Variants in GAB2 observed in about 807,000 individuals in gnomAD.
GAB2 encodes the protein GRB2-associated-binding protein 2.
A neutral mutation model predicts 65.5 loss-of-function variants in GAB2; 26 were observed. The observed-to-expected ratio is 0.40, with a 90% CI of 0.29 to 0.55. The LOEUF (loss-of-function observed/expected upper bound fraction) is 0.55. Ranked by LOEUF, GAB2 falls within the 20% of genes least tolerant of loss-of-function variation. The pLI, the probability that GAB2 is intolerant of heterozygous loss-of-function variation, is 0.53. For synonymous variants in GAB2, 321 were observed against 329.6 expected (o/e 0.97, Z 0.28); for missense variants, 884 against 875.8 (o/e 1.01, Z -0.12).
chr11:78,246,798 C>A (rs1171168523), intron 3 of GAB2, among the ~76,000 whole-genome samples: 1 of 152,118 alleles, frequency 6.6e-6, no homozygotes, highest in Non-Finnish European at 1.5e-5. Context: ...CGCACCCGGC[C>A]GAGAAGTGAT....
chr11:78,222,559 A>G (rs920027099), intron 6 of GAB2, among the ~76,000 whole-genome samples: 2 of 148,464 alleles, frequency 1.3e-5, no homozygotes, highest in African/African-American at 4.9e-5. Context: ...ATTTATAAAA[A>G]TATATACTAT....
intron 1 of GAB2, among the ~76,000 whole-genome samples, chr11:78,347,199 C>T (rs1232320927): frequency 1.3e-5 from 2 of 152,132 alleles, no homozygotes; most frequent in East Asian, 1.9e-4. Context: ...TTTTGAGATA[C>T]AGACCTAAGC....
At position 78,216,086 on chromosome 11, in the gene GAB2, G is replaced by A. The variant is rs1419655770; in HGVS notation, c.*3186C>T. 1 of 152,714 alleles carries A rather than the reference G, an allele frequency of 6.5e-6. No homozygotes were observed. Among genetic ancestry groups the A allele is most frequent in the African/African-American group, 2.4e-5 (1 of 41,464 alleles). The allele number at this position is 152,714 out of a possible 1,614,324, so 9.5% of individuals were successfully genotyped here. ...CCAGAAAGAAGTTACAGAGGAGGGA[G>A]TCTCCCCTTCAAGCAGCTGAGCACC... is the stretch of plus-strand genomic sequence containing the variant. On this transcript the variant is annotated 3_prime_UTR_variant, in exon 10 of 10. Coordinates refer to ENST00000361507, the MANE Select transcript of GAB2 (RefSeq NM_080491.3).
intron 3 of GAB2, among the ~76,000 whole-genome samples, chr11:78,231,377 C>T (rs1401114940): frequency 9.2e-6 from 1 of 109,022 alleles, no homozygotes; most frequent in East Asian, 3.0e-4. Context: ...GTGTCGGAGT[C>T]TCATTCTGTC....
At chr11:78,328,533 C>T (rs976152118) in intron 1 of GAB2, among the ~76,000 whole-genome samples, 2 of 151,934 alleles carry the variant, frequency 1.3e-5, no homozygotes, top group Admixed American at 6.6e-5. Flanking sequence ...GGCATCCATC[C>T]GAAGGAGAAT....
intron 2 of GAB2, among the ~76,000 whole-genome samples, chr11:78,260,214 ACT>A (rs957869621): frequency 2.4e-4 from 37 of 152,222 alleles, no homozygotes; most frequent in African/African-American, 8.4e-4. Context: ...CCAAGGGAAG[ACT>A]CTGAGAAAGA....
intron 1 of GAB2, among the ~76,000 whole-genome samples, chr11:78,320,608 A>G (rs769405060): frequency 2.0e-4 from 31 of 151,752 alleles, no homozygotes; most frequent in Non-Finnish European, 3.7e-4. Flanking sequence ...TTCTTTTTTG[A>G]GACAAGGTCT....
intron 3 of GAB2, among the ~76,000 whole-genome samples, chr11:78,228,021 G>A (rs189115402): frequency 8.7e-4 from 132 of 152,266 alleles, no homozygotes; most frequent in Admixed American, 8.2e-3. Flanking sequence ...TGGGCAATAA[G>A]GCAAGCAGTA....
chr11:78,291,815 C>T (rs1002738841), intron 1 of GAB2, among the ~76,000 whole-genome samples: 1 of 151,790 alleles, frequency 6.6e-6, no homozygotes, highest in African/African-American at 2.4e-5. Context: ...ATTCTCCCAC[C>T]TCAGCATCCC....
intron 2 of GAB2, among the ~76,000 whole-genome samples, chr11:78,280,187 T>C (rs1866293517): frequency 1.3e-5 from 2 of 152,194 alleles, no homozygotes; most frequent in South Asian, 4.1e-4. Flanking sequence ...AGTGTGACTG[T>C]GCAGGATGGC....
In GAB2 at chr11:78,226,609, G is replaced by C. The variant is rs61758968; in HGVS notation, c.1063C>G (p.Pro355Ala). 6.2e-7 allele frequency: 1 copy of C among 1,612,070 alleles called. No individual in the cohort carries two copies. Among genetic ancestry groups the C allele is most frequent in the Non-Finnish European group, 8.5e-7 (1 of 1,178,296 alleles). Residue 355 changes from proline (P) to alanine (A), a missense_variant, in exon 4 of 10, where the codon CCC becomes GCC. Coordinates refer to ENST00000361507, the MANE Select transcript of GAB2 (RefSeq NM_080491.3). ...GDSAIAPPPR[P>A]PKPSQAETPR... ...GTTTCTGCCTGACTTGGCTTGGGGG[G>C]GCGGGGTGGGGGAGCTATGGCTGAG...
chr11:78,259,129 G>T (rs987565274), intron 2 of GAB2, among the ~76,000 whole-genome samples: 10 of 152,170 alleles, frequency 6.6e-5, no homozygotes, highest in Admixed American at 6.5e-4. Flanking sequence ...GTGGTATTTG[G>T]TCTGGAACTA....
intron 1 of GAB2, among the ~76,000 whole-genome samples, chr11:78,337,410 A>T (rs1475685737): frequency 6.6e-6 from 1 of 152,186 alleles, no homozygotes; most frequent in African/African-American, 2.4e-5. Flanking sequence ...CCTATTAGGA[A>T]GTAAGGCAGA....
chr11:78,219,209 A>T lies in GAB2; in HGVS notation c.*63T>A. The T allele has an allele frequency of 6.7e-7, 1 of 1,487,710 alleles. No homozygotes were observed. Among genetic ancestry groups the T allele is most frequent in the Non-Finnish European group, 9.3e-7 (1 of 1,076,138 alleles). 92.2% of individuals were successfully genotyped at this position (1,487,710 alleles called of 1,614,324 possible). ...TGGGAGGAAGAACGGGAGAGGGGAG[A>T]GGGGAGATGGGAAGGGCCAGCTCTG... On this transcript the variant is annotated 3_prime_UTR_variant, in exon 10 of 10. Transcript: ENST00000361507.
intron 1 of GAB2, among the ~76,000 whole-genome samples, chr11:78,410,556 G>T (rs532002522): frequency 1.3e-5 from 2 of 152,060 alleles, no homozygotes; most frequent in East Asian, 1.9e-4. Flanking sequence ...AAGAATAAGG[G>T]TTAAAAAAAT....
chr11:78,363,990 T>C (rs918051239), intron 1 of GAB2: 1 of 152,136 alleles, frequency 6.6e-6, no homozygotes, highest in Non-Finnish European at 1.5e-5. Flanking sequence ...TTCTCACCCA[T>C]TTAACATATA....
At chr11:78,302,072 G>A (rs1411923045) in intron 1 of GAB2, among the ~76,000 whole-genome samples, 2 of 152,040 alleles carry the variant, frequency 1.3e-5, no homozygotes, top group African/African-American at 2.4e-5. Flanking sequence ...TCTAAGACCT[G>A]AAACTATAAA....
rs1864675082 is a variant in GAB2 at position 78,226,769 on chromosome 11, G to A, written c.903C>T (p.Thr301=). The A allele has an allele frequency of 6.2e-7, 1 of 1,613,972 alleles. No individual in the cohort carries two copies. Among genetic ancestry groups the A allele is most frequent in the African/African-American group, 1.3e-5 (1 of 74,896 alleles). ...GGAGGTCCCCGAACTCCCTGCACAG[G>A]GTGTTGCTGGGCGTCTTGAAGGTGT... ...DVYTFKTPSN[T]LCREFGDLLV... Residue 301 remains threonine (T), a synonymous_variant, in exon 4 of 10, where the codon ACC becomes ACT. Coordinates refer to ENST00000361507, the MANE Select transcript of GAB2 (RefSeq NM_080491.3).
chr11:78,291,458 T>A (rs1337326765), intron 1 of GAB2, among the ~76,000 whole-genome samples: 1 of 143,978 alleles, frequency 6.9e-6, no homozygotes, highest in Non-Finnish European at 1.5e-5. Flanking sequence ...AGAGCAAGAC[T>A]CTGTCTCTGT....
Sources: allele counts gnomAD v4.1 joint callset (sites outside exome capture counted in the v4.1 genomes callset), GRCh38; gene constraint gnomAD v4.1.1; transcripts MANE v1.5; gene names NCBI Gene and HGNC (gene_info 2026-07-23, HGNC 2026-07-21).